The following TRPS1 variants were observed in gnomAD, a reference collection of about 807,000 sequenced individuals.
TRPS1 encodes the protein transcriptional repressor GATA binding 1.
Under a neutral mutation model 101.2 loss-of-function variants are expected in TRPS1, and 6 were observed. The ratio of observed to expected loss-of-function variants is 0.06; its 90% CI spans 0.03 to 0.12. TRPS1 has a LOEUF of 0.12. Ranked by LOEUF, TRPS1 falls within the 10% of genes least tolerant of loss-of-function variation. TRPS1 has a pLI of 1.00. For synonymous variants in TRPS1, 578 were observed against 589.8 expected (o/e 0.98, Z 0.29); for missense variants, 1,363 against 1,567.0 (o/e 0.87, Z 2.20).
At chr8:115,635,726 G>A (rs16887588) in intron 1 of TRPS1, among the ~76,000 whole-genome samples, 22,754 of 152,170 alleles carry the variant, frequency 0.15, 5,621 homozygotes, top group African/African-American at 0.51. Context: ...GAAATGGCAG[G>A]AGACCTGGGA....
At chr8:115,666,584 G>A (rs1811927117) in intron 1 of TRPS1, among the ~76,000 whole-genome samples, 1 of 152,186 alleles carries the variant, frequency 6.6e-6, no homozygotes, top group Non-Finnish European at 1.5e-5. Flanking sequence ...CTGCCCGCAT[G>A]ACTTTCCTCT....
At chr8:115,423,819 AT>A (rs990449253) in intron 5 of TRPS1, among the ~76,000 whole-genome samples, 4 of 151,470 alleles carry the variant, frequency 2.6e-5, no homozygotes, top group East Asian at 1.9e-4. Flanking sequence ...GACTTAAGAC[AT>A]TTTTTTTTAA....
chr8:115,427,213 A>T (rs961127110), intron 5 of TRPS1, among the ~76,000 whole-genome samples: 3 of 152,092 alleles, frequency 2.0e-5, no homozygotes, highest in African/African-American at 7.2e-5. Flanking sequence ...GGGGTTCTAG[A>T]CTGTAGTGAG....
intron 5 of TRPS1, among the ~76,000 whole-genome samples, chr8:115,499,947 CTTTCTTTCTTTCTTTCT>C (rs200579345): frequency 0.087 from 5,783 of 66,318 alleles, 143 homozygotes; most frequent in East Asian, 0.23. Flanking sequence ...TTCTTTCTTT[CTTTCTTTCTTTCTTTCT>C]TTTCTTTTCT....
chr8:115,604,141 G>GTGC lies in TRPS1; in HGVS notation c.1825_1827dup (p.Ala609dup). The GTGC allele has an allele frequency of 6.2e-7, 1 of 1,614,146 alleles. No homozygotes were observed. The highest frequency in any genetic ancestry group is 8.5e-7 in the Non-Finnish European group (1 of 1,180,012). ...CCAGGAGACAAGTGCAGAAGCAAGA[G>GTGC]TGCACAGTGGGAACAATTACTTTTT... On this transcript the variant is annotated inframe_insertion, in exon 4 of 7. Coordinates refer to ENST00000395715, the MANE Select transcript of TRPS1 (RefSeq NM_014112.5). The surrounding 1 kb of genome is among the most constrained non-coding windows in gnomAD (Gnocchi z 4.1).
intron 1 of TRPS1, among the ~76,000 whole-genome samples, chr8:115,644,940 G>A (rs1033346882): frequency 1.3e-5 from 2 of 152,170 alleles, no homozygotes; most frequent in East Asian, 1.9e-4. Context: ...GCCATCTTAC[G>A]TGGGTACCAT....
At chr8:115,643,261 T>A (rs1321278987) in intron 1 of TRPS1, among the ~76,000 whole-genome samples, 1 of 152,206 alleles carries the variant, frequency 6.6e-6, no homozygotes, top group Non-Finnish European at 1.5e-5. Context: ...CCACATCAAC[T>A]GACTCTTCTT....
intron 5 of TRPS1, among the ~76,000 whole-genome samples, chr8:115,521,881 T>C (rs568720510): frequency 1.9e-4 from 29 of 152,094 alleles, no homozygotes; most frequent in Non-Finnish European, 4.0e-4. Context: ...ATATTAAGTA[T>C]ATTCCAAGAT....
rs1472651636 is a variant in TRPS1 at position 115,668,733 on chromosome 8, GAGAGAGAGAA to G, written c.-320_-311del. 22 of 145,076 alleles carry G rather than the reference GAGAGAGAGAA, an allele frequency of 1.5e-4. No individual in the cohort carries two copies. Among genetic ancestry groups the G allele is most frequent in the African/African-American group, 5.9e-4 (22 of 37,218 alleles). The allele number at this position is 145,076 out of a possible 1,614,324, so 9.0% of individuals were successfully genotyped here. ...TTATTAAAAAAGAGAGAGAGAGAGA[GAGAGAGAGAA>G]AGAGAAAGGAAATAGAGCAAGGATG... is the stretch of plus-strand genomic sequence containing the variant. On this transcript the variant is annotated 5_prime_UTR_variant, in exon 1 of 7. Transcript: ENST00000395715.
At chr8:115,472,412 G>T (rs1649238514) in intron 5 of TRPS1, among the ~76,000 whole-genome samples, 1 of 152,136 alleles carries the variant, frequency 6.6e-6, no homozygotes, top group African/African-American at 2.4e-5. Flanking sequence ...AAAGCAGCAA[G>T]GCCCTGGGTC....
intron 2 of TRPS1, among the ~76,000 whole-genome samples, chr8:115,621,041 T>A (rs1424153940): frequency 6.6e-6 from 1 of 152,222 alleles, no homozygotes; most frequent in Non-Finnish European, 1.5e-5. Flanking sequence ...TCAAGTTAAG[T>A]TAGTGACATC....
intron 5 of TRPS1, among the ~76,000 whole-genome samples, chr8:115,535,941 A>C (rs1816308722): frequency 6.6e-6 from 1 of 152,046 alleles, no homozygotes. Context: ...TATGTGTGAT[A>C]ATTACATTGC....
chr8:115,532,433 G>A (rs562218954), intron 5 of TRPS1, among the ~76,000 whole-genome samples: 16 of 152,272 alleles, frequency 1.1e-4, no homozygotes, highest in African/African-American at 3.6e-4. Context: ...TAAGCTTGGT[G>A]TCTGGAATAT....
At chr8:115,485,997 T>C (rs1370496942) in intron 5 of TRPS1, among the ~76,000 whole-genome samples, 3 of 152,196 alleles carry the variant, frequency 2.0e-5, no homozygotes, top group Non-Finnish European at 1.5e-5. Flanking sequence ...CAGGCATACT[T>C]TGTCTTATTA....
At chr8:115,641,815 G>T (rs575884836) in intron 1 of TRPS1, among the ~76,000 whole-genome samples, 1 of 152,300 alleles carries the variant, frequency 6.6e-6, no homozygotes, top group African/African-American at 2.4e-5. Flanking sequence ...GGGAGGCGGA[G>T]GTTGCAATGA....
chr8:115,461,994 T>C (rs1297795362), intron 5 of TRPS1, among the ~76,000 whole-genome samples: 1 of 152,192 alleles, frequency 6.6e-6, no homozygotes, highest in African/African-American at 2.4e-5. Context: ...CCTGTTTACC[T>C]ATCTTCAACA....
At chr8:115,426,296 T>C (rs1813185192) in intron 5 of TRPS1, among the ~76,000 whole-genome samples, 1 of 152,102 alleles carries the variant, frequency 6.6e-6, no homozygotes, top group East Asian at 1.9e-4. Context: ...ATTTGTTGCA[T>C]ATTTTATTTA....
At chr8:115,421,602 G>C (rs1206517029) in intron 5 of TRPS1, among the ~76,000 whole-genome samples, 4 of 152,154 alleles carry the variant, frequency 2.6e-5, no homozygotes, top group African/African-American at 9.7e-5. Flanking sequence ...TGGAGAGTGG[G>C]AGGTAGGTGA....
chr8:115,562,052 C>G (rs1056345266), intron 5 of TRPS1, among the ~76,000 whole-genome samples: 1 of 151,946 alleles, frequency 6.6e-6, no homozygotes, highest in African/African-American at 2.4e-5. Context: ...TATAATACAT[C>G]AAGACGATAG....
Sources: gnomAD v4.1 joint callset for allele counts (sites outside exome capture counted in the v4.1 genomes callset) on GRCh38, gnomAD v4.1.1 for gene constraint, Gnocchi (gnomAD v3.1) non-coding constraint, MANE v1.5 for transcripts, NCBI Gene and HGNC (gene_info 2026-07-23, HGNC 2026-07-21) for gene names.